The following MDGA2 variants were observed in gnomAD, a reference collection of about 807,000 sequenced individuals.
The protein encoded by MDGA2 is MAM domain containing glycosylphosphatidylinositol anchor 2.
MDGA2 carries 40 observed loss-of-function variants against 117.8 expected under a neutral mutation model. The ratio of observed to expected loss-of-function variants is 0.34; its 90% CI spans 0.26 to 0.44. The LOEUF (loss-of-function observed/expected upper bound fraction) is 0.44. MDGA2 is among the 20% of genes least tolerant of loss of function. MDGA2 has a pLI of 1.00. For synonymous variants in MDGA2, 452 were observed against 439.0 expected, an observed-to-expected ratio of 1.03 and a Z score of -0.37; for missense variants, 1,123 against 1,250.6, an observed-to-expected ratio of 0.90 and a Z score of 1.54.
chr14:47,643,342 A>C (rs1897465035), intron 1 of MDGA2, among the ~76,000 whole-genome samples: 1 of 152,036 alleles, frequency 6.6e-6, no homozygotes, highest in Middle Eastern at 3.2e-3. Context: ...GCTTCTTGTC[A>C]ATCATTTTTT....
chr14:47,565,847 C>T (rs1177576449), intron 1 of MDGA2, among the ~76,000 whole-genome samples: 2 of 152,100 alleles, frequency 1.3e-5, no homozygotes, highest in Non-Finnish European at 2.9e-5. Flanking sequence ...TCCAGGTGTT[C>T]GTGCCAGCAG....
At chr14:47,016,869 CAACTCACCTGCAAAAGCCTCTAAA>C (rs1407931841) in intron 8 of MDGA2, among the ~76,000 whole-genome samples, 1 of 151,980 alleles carries the variant, frequency 6.6e-6, no homozygotes, top group African/African-American at 2.4e-5. Context: ...AGCGTTTATG[CAACTCACCTGCAAAAGCCTCTAAA>C]ACATTTGCTC....
intron 2 of MDGA2, among the ~76,000 whole-genome samples, chr14:47,230,572 C>A (rs2139568244): frequency 6.6e-6 from 1 of 152,076 alleles, no homozygotes; most frequent in Middle Eastern, 3.4e-3. Context: ...CCTATCGGTA[C>A]ATTTTCAATC....
intron 14 of MDGA2, among the ~76,000 whole-genome samples, chr14:46,867,169 T>G (rs1260790578): frequency 6.6e-6 from 1 of 152,148 alleles, no homozygotes; most frequent in Non-Finnish European, 1.5e-5. Context: ...TAGACTGGAT[T>G]AAGAAAATGT....
chr14:46,919,054 G>A (rs1212224208), intron 10 of MDGA2, among the ~76,000 whole-genome samples: 1 of 152,088 alleles, frequency 6.6e-6, no homozygotes, highest in Non-Finnish European at 1.5e-5. Flanking sequence ...GAGCCACCGC[G>A]CCCGGCCACA....
At chr14:46,864,612 A>G (rs1881667110) in intron 14 of MDGA2, among the ~76,000 whole-genome samples, 1 of 146,144 alleles carries the variant, frequency 6.8e-6, no homozygotes, top group Non-Finnish European at 1.5e-5. Context: ...TCAAAAAAAA[A>G]AAAAAAAAAA....
At chr14:46,911,857 A>G (rs766655734) in intron 10 of MDGA2, among the ~76,000 whole-genome samples, 3 of 152,158 alleles carry the variant, frequency 2.0e-5, no homozygotes, top group Non-Finnish European at 4.4e-5. Context: ...GATAATTATT[A>G]CCCAATAATT....
chr14:46,975,169 C>T lies in MDGA2; in HGVS notation c.1820-17526G>A, dbSNP rs561280337. Reference sequence around the variant, plus strand: ...TGCCATTTAATATCCATTAGAAGAGCTACTACTTTTTAAAAAAAGAAAATA... The same window carrying T: ...TGCCATTTAATATCCATTAGAAGAGTTACTACTTTTTAAAAAAAGAAAATA... On this transcript the variant is annotated intron_variant, in intron 8 of 16. Coordinates refer to ENST00000399232, the MANE Select transcript of MDGA2 (RefSeq NM_001113498.3). Among the ~76,000 whole-genome samples, 265 of 152,038 alleles carry T rather than the reference C, an allele frequency of 1.7e-3. 1 individual carries two copies. The highest frequency in any genetic ancestry group is 6.0e-3 in the African/African-American group (247 of 41,486).
chr14:47,288,261 C>T (rs1045296205), intron 2 of MDGA2, among the ~76,000 whole-genome samples: 2 of 152,122 alleles, frequency 1.3e-5, no homozygotes, highest in African/African-American at 4.8e-5. Flanking sequence ...CAGTAGCAGA[C>T]ATCATGCTTT....
chr14:47,315,718 G>A (rs1889787435), intron 1 of MDGA2, among the ~76,000 whole-genome samples: 1 of 151,996 alleles, frequency 6.6e-6, no homozygotes, highest in African/African-American at 2.4e-5. Context: ...TGTCAACTTG[G>A]CAAGGCCACT....
At chr14:47,322,557 C>A (rs1890011867) in intron 1 of MDGA2, among the ~76,000 whole-genome samples, 1 of 152,092 alleles carries the variant, frequency 6.6e-6, no homozygotes, top group African/African-American at 2.4e-5. Flanking sequence ...AGATTTTATC[C>A]TTCAGGAGCA....
intron 8 of MDGA2, among the ~76,000 whole-genome samples, chr14:46,965,715 T>C (rs1297266410): frequency 6.6e-6 from 1 of 152,186 alleles, no homozygotes; most frequent in African/African-American, 2.4e-5. Flanking sequence ...CCTTTGCAGT[T>C]ATGATGAAAT....
At chr14:47,113,198 C>T (rs1881140293) in intron 5 of MDGA2, among the ~76,000 whole-genome samples, 1 of 152,062 alleles carries the variant, frequency 6.6e-6, no homozygotes, top group Non-Finnish European at 1.5e-5. Flanking sequence ...TCCATTCAAA[C>T]AAACTAGAAA....
At chr14:47,662,886 A>G (rs1308603929) in intron 1 of MDGA2, among the ~76,000 whole-genome samples, 2 of 152,228 alleles carry the variant, frequency 1.3e-5, no homozygotes. Flanking sequence ...AAGTATATTT[A>G]GATAAATCTA....
intron 1 of MDGA2, among the ~76,000 whole-genome samples, chr14:47,566,070 G>A (rs1895913217): frequency 6.6e-6 from 1 of 152,220 alleles, no homozygotes; most frequent in Admixed American, 6.5e-5. Context: ...CAGCAGGGAA[G>A]GAGAGGCAAG....
chr14:47,379,919 A>G (rs1870783860), intron 1 of MDGA2, among the ~76,000 whole-genome samples: 2 of 152,294 alleles, frequency 1.3e-5, no homozygotes, highest in East Asian at 3.9e-4. Flanking sequence ...GAGAATATAC[A>G]TTCTTCTCAC....
intron 1 of MDGA2, among the ~76,000 whole-genome samples, chr14:47,477,236 G>C (rs1893862739): frequency 6.6e-6 from 1 of 152,144 alleles, no homozygotes; most frequent in Non-Finnish European, 1.5e-5. Flanking sequence ...TAAAGTGCTT[G>C]AGACAAGGAT....
At position 47,111,072 on chromosome 14, in the gene MDGA2, C is replaced by T. The variant is rs545299429; in HGVS notation, c.926-13949G>A. ...CCTTGTGGAGTTTGTAATTAGGAGACAATTATAGCCCTTAAAATGTCCTAG... is the reference window on the plus strand; with the variant it reads ...CCTTGTGGAGTTTGTAATTAGGAGATAATTATAGCCCTTAAAATGTCCTAG... On this transcript the variant is annotated intron_variant, in intron 5 of 16. Transcript: ENST00000399232. Among the ~76,000 whole-genome samples the T allele has an allele frequency of 2.0e-5, 3 of 152,228 alleles. No homozygotes were observed. In the South Asian group the frequency reaches 6.2e-4, roughly 32 times the overall value.
intron 1 of MDGA2, among the ~76,000 whole-genome samples, chr14:47,609,255 C>G (rs1446516161): frequency 6.6e-6 from 1 of 150,436 alleles, no homozygotes; most frequent in Admixed American, 6.7e-5. Flanking sequence ...TGTATTGTAT[C>G]ATTCTTATGC....
Sources: gnomAD v4.1 joint callset for allele counts (sites outside exome capture counted in the v4.1 genomes callset) on GRCh38, gnomAD v4.1.1 for gene constraint, MANE v1.5 for transcripts, NCBI Gene and HGNC (gene_info 2026-07-23, HGNC 2026-07-21) for gene names.